RIMKLB: variants seen among roughly 807,000 people sequenced by gnomAD.
RIMKLB encodes the protein beta-citrylglutamate synthase B.
Under a neutral mutation model 32.0 loss-of-function variants are expected in RIMKLB, and 7 were observed. The observed-to-expected ratio is 0.22, with a 90% CI of 0.12 to 0.41. RIMKLB has a LOEUF of 0.41. Among genes scored for constraint, RIMKLB ranks in the 10% least tolerant of loss-of-function variants. The probability of loss-of-function intolerance (pLI) is 1.00; values close to 1 mark genes in which losing one functional copy is unlikely to be tolerated. For missense variants in RIMKLB, 289 were observed against 498.7 expected, an observed-to-expected ratio of 0.58 and a Z score of 4.00; for synonymous variants, 172 against 185.1, an observed-to-expected ratio of 0.93 and a Z score of 0.57.
intron 2 of RIMKLB, among the ~76,000 whole-genome samples, chr12:8,720,434 G>A (rs1053772128): frequency 6.6e-6 from 1 of 152,122 alleles, no homozygotes; most frequent in African/African-American, 2.4e-5. Flanking sequence ...TAAATAAAGG[G>A]TCTCTGTTCA....
At chr12:8,722,636 A>C (rs1188016295) in intron 2 of RIMKLB, among the ~76,000 whole-genome samples, 1 of 152,252 alleles carries the variant, frequency 6.6e-6, no homozygotes, top group Non-Finnish European at 1.5e-5. Flanking sequence ...ACTTCTCTTT[A>C]GCTGCTATCA....
At chr12:8,740,134 C>T (rs1401054419) in intron 2 of RIMKLB, among the ~76,000 whole-genome samples, 1 of 151,838 alleles carries the variant, frequency 6.6e-6, no homozygotes, top group Non-Finnish European at 1.5e-5. Context: ...TCAGACTCCT[C>T]ACCTCAAGTG....
downstream of RIMKLB, chr12:8,777,349 C>T (rs1950797128): frequency 1.0e-6 from 1 of 978,698 alleles, no homozygotes; most frequent in South Asian, 4.7e-5. Context: ...TTGGAATCTT[C>T]TAGTCTTCCA....
intron 2 of RIMKLB, among the ~76,000 whole-genome samples, 170 bp from the exon 3 acceptor site, chr12:8,749,690 CAG>C (rs1266517409): frequency 6.6e-6 from 1 of 152,120 alleles, no homozygotes; most frequent in Non-Finnish European, 1.5e-5. Context: ...TTTCTTTAAT[CAG>C]AGATTTTTCT....
chr12:8,700,303 A>G (rs1288205108), intron 1 of RIMKLB: 1 of 152,202 alleles, frequency 6.6e-6, no homozygotes, highest in Non-Finnish European at 1.5e-5. Context: ...CTTTTAAAAT[A>G]TCTCCCAATT....
intron 4 of RIMKLB, among the ~76,000 whole-genome samples, chr12:8,752,488 G>T (rs779446606): frequency 1.3e-5 from 2 of 151,292 alleles, no homozygotes; most frequent in Non-Finnish European, 3.0e-5. Context: ...GGAGGCGGAG[G>T]TTGCAGTGAG....
intron 2 of RIMKLB, among the ~76,000 whole-genome samples, chr12:8,733,459 G>A (rs1188601430): frequency 6.6e-6 from 1 of 152,182 alleles, no homozygotes; most frequent in Admixed American, 6.5e-5. Flanking sequence ...GGAGGAGAAT[G>A]TTCTATTATT....
intron 2 of RIMKLB, among the ~76,000 whole-genome samples, chr12:8,735,497 T>A (rs1404441217): frequency 6.6e-6 from 1 of 152,140 alleles, no homozygotes. Flanking sequence ...CCCAAAGTTC[T>A]GGGAATATAG....
Position 8,754,088 on chromosome 12 carries a change from C to T in RIMKLB, c.692C>T (p.Ser231Leu). 6.2e-7 allele frequency: 1 copy of T among 1,609,360 alleles called. No individual in the cohort carries two copies. Among genetic ancestry groups the T allele is most frequent in the Non-Finnish European group, 8.5e-7 (1 of 1,175,696 alleles). ...STDGRMQSNCSLGGVGMMCSL... is the reference protein window; with the variant it reads ...STDGRMQSNCLLGGVGMMCSL... ...GATGGGAGAATGCAAAGCAACTGCTCATTAGGTAAAAATAATGCAATTATC... is the reference window on the plus strand; with the variant it reads ...GATGGGAGAATGCAAAGCAACTGCTTATTAGGTAAAAATAATGCAATTATC... Residue 231 changes from serine to leucine, a missense_variant, in exon 5 of 6, where the codon TCA becomes TTA. This residue lies in a region of RIMKLB where 156 missense variants were observed against 329.5 expected (regional missense o/e 0.47). Coordinates refer to ENST00000535829, the MANE Select transcript of RIMKLB (RefSeq NM_001297776.2).
At chr12:8,738,302 C>G (rs1215077972) in intron 2 of RIMKLB, among the ~76,000 whole-genome samples, 3 of 152,152 alleles carry the variant, frequency 2.0e-5, no homozygotes, top group East Asian at 1.9e-4. Flanking sequence ...CCTCAACTTC[C>G]TGGAGTTCTG....
At position 8,698,266 on chromosome 12, in the gene RIMKLB, G is replaced by A. The variant is rs893188293; in HGVS notation, c.-88G>A. 3 of 364,190 alleles carry A rather than the reference G, an allele frequency of 8.2e-6. No individual in the cohort carries two copies. The highest frequency in any genetic ancestry group is 1.7e-5 in the Non-Finnish European group (3 of 177,922). The allele number at this position is 364,190 out of a possible 1,614,324, so 22.6% of individuals were successfully genotyped here. A position where few individuals can be genotyped will look rare whatever the true frequency, so the allele number is the denominator to read the frequency against. ...CGAAGGCCCCAGCCCGGCTCAGTCG[G>A]CCGAGAGCGAGGGAGGAGCCCCCCG... On this transcript the variant is annotated 5_prime_UTR_variant, in exon 1 of 6. Transcript: ENST00000535829.
rs550819248 is a variant in RIMKLB at position 8,771,272 on chromosome 12, A to G, written c.698-2049A>G. 1.1e-3 allele frequency among the ~76,000 whole-genome samples: 168 copies of G among 152,286 alleles called. 1 individual carries two copies. The highest frequency in any genetic ancestry group is 1.8e-3 in the Admixed American group (27 of 15,300). On this transcript the variant is annotated intron_variant, in intron 5 of 5. Coordinates refer to ENST00000535829, the MANE Select transcript of RIMKLB (RefSeq NM_001297776.2). ...CTCTCTGTGCCACATTCCTTCCTCC[A>G]GGGTATGGGGCAGGACCTCATCTGG...
downstream of RIMKLB, chr12:8,777,706 G>T (rs1429666836): frequency 1.6e-6 from 2 of 1,283,296 alleles, no homozygotes; most frequent in East Asian, 1.1e-4. Context: ...TTCGGGGTCA[G>T]TGCCCTTCTA....
At chr12:8,722,574 G>A (rs1945563004) in intron 2 of RIMKLB, among the ~76,000 whole-genome samples, 1 of 152,100 alleles carries the variant, frequency 6.6e-6, no homozygotes, top group African/African-American at 2.4e-5. Context: ...AGCTGCCTTC[G>A]CTCCTAACAA....
chr12:8,746,740 C>T (rs1019532218), intron 2 of RIMKLB, among the ~76,000 whole-genome samples: 10 of 152,132 alleles, frequency 6.6e-5, no homozygotes, highest in Non-Finnish European at 1.3e-4. Context: ...ATAATTTCTA[C>T]TTTTTTCACC....
chr12:8,678,541 T>C (rs1942358496), upstream of RIMKLB, among the ~76,000 whole-genome samples: 1 of 152,092 alleles, frequency 6.6e-6, no homozygotes, highest in Admixed American at 6.6e-5. Flanking sequence ...TTTGTCAGGC[T>C]GGTCTCGAAC....
downstream of RIMKLB, chr12:8,780,068 A>G (rs1390156413): frequency 6.6e-6 from 1 of 152,248 alleles, no homozygotes; most frequent in Non-Finnish European, 1.5e-5. Flanking sequence ...ATGTATTCAG[A>G]GCCATTGGGC....
At chr12:8,772,319 T>A (rs1265515687) in intron 5 of RIMKLB, among the ~76,000 whole-genome samples, 2 of 152,268 alleles carry the variant, frequency 1.3e-5, no homozygotes, top group African/African-American at 4.8e-5. Flanking sequence ...TGAGTAATCA[T>A]GTTTTTGTTT....
chr12:8,669,175 G>A, the RIMKLB span, among the ~76,000 whole-genome samples: 3 of 152,096 alleles, frequency 2.0e-5, no homozygotes, highest in African/African-American at 4.8e-5. Flanking sequence ...ACTCATGGAT[G>A]AAGGGGAAGG....
Sources: gnomAD v4.1 joint callset for allele counts (sites outside exome capture counted in the v4.1 genomes callset) on GRCh38, gnomAD v4.1.1 for gene constraint, gnomAD v4.1.1 regional missense constraint, MANE v1.5 for transcripts, NCBI Gene and HGNC (gene_info 2026-07-23, HGNC 2026-07-21) for gene names.